ADGRL3: variants seen among roughly 807,000 people sequenced by gnomAD.
ADGRL3 encodes the protein adhesion G protein-coupled receptor L3, also known as calcium-independent alpha-latrotoxin receptor 3.
A neutral mutation model predicts 153.5 loss-of-function variants in ADGRL3; 62 were observed. The observed-to-expected ratio is 0.40, with a 90% CI of 0.33 to 0.50. The LOEUF is 0.50. Among genes scored for constraint, ADGRL3 ranks in the 20% least tolerant of loss-of-function variants. The pLI, the probability that ADGRL3 is intolerant of heterozygous loss-of-function variation, is 0.47. For synonymous variants in ADGRL3, 710 were observed against 672.5 expected (o/e 1.06, Z -0.86); for missense variants, 1,641 against 1,859.4 (o/e 0.88, Z 2.16).
At chr4:61,564,579 G>T (rs567733619) in intron 4 of ADGRL3, among the ~76,000 whole-genome samples, 3 of 152,162 alleles carry the variant, frequency 2.0e-5, no homozygotes, top group Non-Finnish European at 4.4e-5. Flanking sequence ...GGCCCATTTT[G>T]CTTTCTTACC....
intron 1 of ADGRL3, among the ~76,000 whole-genome samples, chr4:61,376,046 G>T (rs2096598759): frequency 6.6e-6 from 1 of 151,956 alleles, no homozygotes; most frequent in Non-Finnish European, 1.5e-5. Context: ...TCTTCCTAAA[G>T]CTTCTTAAGT....
intron 5 of ADGRL3, among the ~76,000 whole-genome samples, chr4:61,594,691 G>A (rs1159082780): frequency 6.6e-6 from 1 of 152,054 alleles, no homozygotes; most frequent in Non-Finnish European, 1.5e-5. Context: ...ACCATCACTG[G>A]GACTGTGCTG....
chr4:61,259,058 A>G (rs9685980), intron 1 of ADGRL3, among the ~76,000 whole-genome samples: 40,393 of 152,002 alleles, frequency 0.27, 5,909 homozygotes, highest in African/African-American at 0.4. Context: ...ACTTACCTCA[A>G]AACGAATTCA....
At chr4:61,860,933 A>G (rs928390086) in intron 9 of ADGRL3, among the ~76,000 whole-genome samples, 30 of 152,218 alleles carry the variant, frequency 2.0e-4, no homozygotes, top group African/African-American at 6.3e-4. Flanking sequence ...CTGATCGTTA[A>G]GTCTTTGCAT....
At chr4:62,014,006 G>A (rs1052782262) in intron 21 of ADGRL3, among the ~76,000 whole-genome samples, 12 of 151,906 alleles carry the variant, frequency 7.9e-5, no homozygotes, top group African/African-American at 2.9e-4. Flanking sequence ...ATATAAGAAA[G>A]TAAATGGTCA....
At chr4:61,418,254 G>A (rs1476334690) in intron 2 of ADGRL3, among the ~76,000 whole-genome samples, 2 of 152,210 alleles carry the variant, frequency 1.3e-5, no homozygotes, top group Admixed American at 6.5e-5. Context: ...AAGAGTAGAA[G>A]CGCAATTTCT....
rs946446455 is a variant in ADGRL3, at chr4:61,246,402, G to A, written c.-240+44637G>A. 2.2e-4 allele frequency among the ~76,000 whole-genome samples: 33 copies of A among 151,968 alleles called. 1 individual carries two copies. Among genetic ancestry groups the A allele is most frequent in the Admixed American group, 2.0e-3 (30 of 15,216 alleles). On this transcript the variant is annotated intron_variant, in intron 1 of 26. Transcript: ENST00000683033. ...TATATCAAGCATCGGGGGGAGTTTA[G>A]TCATTGCTATGTTGCTGTATATTAG...
intron 21 of ADGRL3, among the ~76,000 whole-genome samples, chr4:62,014,361 G>T (rs1308931126): frequency 6.6e-6 from 1 of 152,132 alleles, no homozygotes; most frequent in Non-Finnish European, 1.5e-5. Flanking sequence ...AAGGGAATTT[G>T]TTGAGTTTGG....
At chr4:61,496,255 T>C (rs2098314230) in intron 2 of ADGRL3, among the ~76,000 whole-genome samples, 1 of 152,150 alleles carries the variant, frequency 6.6e-6, no homozygotes, top group Admixed American at 6.5e-5. Flanking sequence ...ATGGTAACAG[T>C]GATGAATTAA....
At chr4:61,280,434 A>C (rs73214579) in intron 1 of ADGRL3, among the ~76,000 whole-genome samples, 8,082 of 152,086 alleles carry the variant, frequency 0.053, 296 homozygotes, top group East Asian at 0.2. Context: ...TAAATTAATG[A>C]AAATAAAAGA....
chr4:61,912,372 C>A (rs1176389182), intron 12 of ADGRL3, among the ~76,000 whole-genome samples: 1 of 152,002 alleles, frequency 6.6e-6, no homozygotes, highest in African/African-American at 2.4e-5. Flanking sequence ...TCTTTGTCAC[C>A]CATAAATTCA....
intron 21 of ADGRL3, among the ~76,000 whole-genome samples, chr4:62,009,487 A>C (rs1163164339): frequency 6.6e-6 from 1 of 152,146 alleles, no homozygotes; most frequent in Non-Finnish European, 1.5e-5. Context: ...TTAAATGTAC[A>C]CTCATTGTTA....
intron 1 of ADGRL3, among the ~76,000 whole-genome samples, chr4:61,311,051 A>T (rs1218382344): frequency 6.6e-6 from 1 of 152,112 alleles, no homozygotes; most frequent in African/African-American, 2.4e-5. Flanking sequence ...CTAGGAAAAA[A>T]AAAAATCTAA....
intron 1 of ADGRL3, among the ~76,000 whole-genome samples, chr4:61,226,496 G>T (rs185115300): frequency 7.6e-4 from 116 of 152,246 alleles, no homozygotes; most frequent in Admixed American, 2.2e-3. Context: ...GTTACGTCTG[G>T]TAATAGCAGA....
chr4:61,697,565 A>AC (rs1406171632), intron 6 of ADGRL3, among the ~76,000 whole-genome samples: 2 of 151,694 alleles, frequency 1.3e-5, no homozygotes, highest in Non-Finnish European at 2.9e-5. Flanking sequence ...TAAAAAAAAA[A>AC]AAAGAAAGAA....
At chr4:61,544,623 T>C (rs1265700884) in intron 4 of ADGRL3, among the ~76,000 whole-genome samples, 1 of 152,210 alleles carries the variant, frequency 6.6e-6, no homozygotes, top group Admixed American at 6.5e-5. Flanking sequence ...GTTTACCCAG[T>C]ATCAAAAATA....
intron 8 of ADGRL3, among the ~76,000 whole-genome samples, chr4:61,761,069 G>A (rs2096907186): frequency 6.6e-6 from 1 of 152,174 alleles, no homozygotes; most frequent in Non-Finnish European, 1.5e-5. Flanking sequence ...AAGATCAAAT[G>A]AGCCACTTTA....
At chr4:61,674,554 G>C (rs989890665) in intron 5 of ADGRL3, among the ~76,000 whole-genome samples, 1 of 151,658 alleles carries the variant, frequency 6.6e-6, no homozygotes, top group Non-Finnish European at 1.5e-5. Flanking sequence ...TCACACATCA[G>C]AATTAATATT....
At chr4:61,551,256 A>G (rs1000233331) in intron 4 of ADGRL3, among the ~76,000 whole-genome samples, 5 of 152,128 alleles carry the variant, frequency 3.3e-5, no homozygotes, top group African/African-American at 4.8e-5. Context: ...TTAGCAACCT[A>G]TTAAAGGTGT....
Sources: allele counts gnomAD v4.1 joint callset (sites outside exome capture counted in the v4.1 genomes callset), GRCh38; gene constraint gnomAD v4.1.1; transcripts MANE v1.5; gene names NCBI Gene and HGNC (gene_info 2026-07-23, HGNC 2026-07-21).